The following IMMP2L variants were observed in gnomAD, a reference collection of about 807,000 sequenced individuals.
The protein encoded by IMMP2L is mitochondrial inner membrane protease subunit 2.
IMMP2L carries 18 observed loss-of-function variants against 19.3 expected under a neutral mutation model. That is an observed-to-expected ratio of 0.93 (90% CI 0.64 to 1.38). The LOEUF (loss-of-function observed/expected upper bound fraction) is 1.38, where lower values mean the gene tolerates loss of function less well. IMMP2L is among the 40% of genes most tolerant of loss of function. The probability of loss-of-function intolerance (pLI) is 0.00; values close to 1 mark genes in which losing one functional copy is unlikely to be tolerated. For synonymous variants in IMMP2L, 76 were observed against 73.0 expected (o/e 1.04, Z -0.21); for missense variants, 233 against 218.2 (o/e 1.07, Z -0.43).
chr7:111,473,146 T>C (rs976516096), intron 3 of IMMP2L, among the ~76,000 whole-genome samples: 3 of 152,194 alleles, frequency 2.0e-5, no homozygotes, highest in Non-Finnish European at 4.4e-5. Context: ...TTTGCTGTTA[T>C]TTCAATGTTA....
chr7:111,558,005 TAAAAAAAATAGAA>T (rs1322406941), intron 1 of IMMP2L, among the ~76,000 whole-genome samples: 6 of 151,412 alleles, frequency 4.0e-5, no homozygotes, highest in African/African-American at 1.5e-4. Context: ...TCCTAACCAT[TAAAAAAAATAGAA>T]AAATATGGTT....
chr7:110,779,212 G>GAT (rs1799582424), intron 5 of IMMP2L, among the ~76,000 whole-genome samples: 1 of 151,860 alleles, frequency 6.6e-6, no homozygotes, highest in Non-Finnish European at 1.5e-5. Context: ...ACAACAGTCT[G>GAT]ATATATAAGT....
At chr7:110,680,406 G>A (rs972713337) in intron 5 of IMMP2L, among the ~76,000 whole-genome samples, 1 of 152,102 alleles carries the variant, frequency 6.6e-6, no homozygotes, top group African/African-American at 2.4e-5. Flanking sequence ...ACTTCGAGTG[G>A]TCAGAGCTAT....
chr7:110,816,963 T>A (rs546332034), intron 5 of IMMP2L, among the ~76,000 whole-genome samples: 3 of 152,288 alleles, frequency 2.0e-5, no homozygotes, highest in Admixed American at 2.0e-4. Context: ...TTAGCCCATT[T>A]ACATTTAAAG....
At chr7:110,829,984 C>T (rs76707788) in intron 5 of IMMP2L, among the ~76,000 whole-genome samples, 2,035 of 152,136 alleles carry the variant, frequency 0.013, 14 homozygotes, top group Non-Finnish European at 0.022. Context: ...TCTCAATCAG[C>T]GCTTTTTTTC....
At chr7:110,839,369 A>C (rs58612379) in intron 5 of IMMP2L, among the ~76,000 whole-genome samples, 14,022 of 152,142 alleles carry the variant, frequency 0.092, 1,025 homozygotes, top group African/African-American at 0.21. Context: ...GCTGTGCTAA[A>C]AGGCTAATTC....
chr7:111,304,641 G>A (rs929734729), intron 3 of IMMP2L, among the ~76,000 whole-genome samples: 1 of 149,320 alleles, frequency 6.7e-6, no homozygotes, highest in Non-Finnish European at 1.5e-5. Context: ...CATACATAAT[G>A]TATGGGTGTT....
intron 5 of IMMP2L, among the ~76,000 whole-genome samples, chr7:110,689,430 T>C (rs1430126544): frequency 2.6e-5 from 4 of 152,158 alleles, no homozygotes; most frequent in Non-Finnish European, 5.9e-5. Flanking sequence ...TCTCTGTACC[T>C]ATTCCCAGTT....
intron 3 of IMMP2L, among the ~76,000 whole-genome samples, chr7:111,224,899 G>A (rs904570388): frequency 1.3e-5 from 2 of 152,030 alleles, no homozygotes; most frequent in African/African-American, 4.8e-5. Flanking sequence ...GAATGTCTTC[G>A]ATGAAGGAGT....
chr7:110,894,728 C>T (rs1398276738), intron 4 of IMMP2L, among the ~76,000 whole-genome samples: 1 of 152,090 alleles, frequency 6.6e-6, no homozygotes, highest in Non-Finnish European at 1.5e-5. Context: ...CTATTTAAAA[C>T]ATTTTTCTTT....
At chr7:111,380,953 A>G (rs1831142051) in intron 3 of IMMP2L, among the ~76,000 whole-genome samples, 1 of 151,404 alleles carries the variant, frequency 6.6e-6, no homozygotes, top group South Asian at 2.1e-4. Flanking sequence ...TATTCTCACT[A>G]CTATCTATTT....
intron 3 of IMMP2L, among the ~76,000 whole-genome samples, chr7:111,229,035 T>A (rs1813426017): frequency 6.6e-6 from 1 of 151,218 alleles, no homozygotes; most frequent in South Asian, 2.1e-4. Flanking sequence ...AATTGCTAGT[T>A]TTTTTAACCA....
chr7:110,714,579 C>G (rs1171586165), intron 5 of IMMP2L, among the ~76,000 whole-genome samples: 1 of 151,940 alleles, frequency 6.6e-6, no homozygotes, highest in Non-Finnish European at 1.5e-5. Context: ...CCATCTGGTA[C>G]AGAGCTTTGT....
chr7:111,020,693 G>A (rs1826191584), intron 3 of IMMP2L, among the ~76,000 whole-genome samples: 1 of 151,814 alleles, frequency 6.6e-6, no homozygotes, highest in South Asian at 2.1e-4. Flanking sequence ...GCCCAGAAGG[G>A]CAAGGTTGTA....
At chr7:111,473,328 A>T (rs916175462) in intron 3 of IMMP2L, among the ~76,000 whole-genome samples, 5 of 152,140 alleles carry the variant, frequency 3.3e-5, no homozygotes. Flanking sequence ...TCTATTCCAA[A>T]GTTATTCCAT....
intron 5 of IMMP2L, among the ~76,000 whole-genome samples, chr7:110,795,056 C>T (rs949850757): frequency 4.6e-5 from 7 of 152,030 alleles, no homozygotes; most frequent in African/African-American, 1.4e-4. Flanking sequence ...AGACTCTGGG[C>T]AGTCAGGGTG....
At chr7:111,561,110 G>A (rs557656197) in intron 1 of IMMP2L, among the ~76,000 whole-genome samples, 1 of 152,146 alleles carries the variant, frequency 6.6e-6, no homozygotes, top group Admixed American at 6.5e-5. Flanking sequence ...CCATACAGGG[G>A]AGAGGGAAGC....
chr7:110,864,053 ATAGT>A (rs1241933898), intron 5 of IMMP2L, among the ~76,000 whole-genome samples: 3 of 152,148 alleles, frequency 2.0e-5, no homozygotes, highest in Non-Finnish European at 2.9e-5. Flanking sequence ...TTAGAAAAAG[ATAGT>A]TATGTAGGAT....
intron 3 of IMMP2L, among the ~76,000 whole-genome samples, chr7:110,998,191 C>T (rs1823245766): frequency 6.6e-6 from 1 of 152,120 alleles, no homozygotes; most frequent in Non-Finnish European, 1.5e-5. Flanking sequence ...GGGTTCTTTC[C>T]TTCTACTTCT....
Sources: gnomAD v4.1 joint callset for allele counts (sites outside exome capture counted in the v4.1 genomes callset) on GRCh38, gnomAD v4.1.1 for gene constraint, MANE v1.5 for transcripts, NCBI Gene and HGNC (gene_info 2026-07-23, HGNC 2026-07-21) for gene names.